Variants in CRLF2 observed in about 807,000 individuals in gnomAD.
CRLF2 encodes the protein cytokine receptor like factor 2.
CRLF2 carries 41 observed loss-of-function variants against 38.7 expected under a neutral mutation model. The observed-to-expected ratio is 1.06, with a 90% confidence interval of 0.83 to 1.37. The LOEUF (loss-of-function observed/expected upper bound fraction) is 1.37, where lower values mean the gene tolerates loss of function less well. CRLF2 is among the 40% of genes most tolerant of loss of function. The pLI, the probability that CRLF2 is intolerant of heterozygous loss-of-function variation, is 0.00. For synonymous variants in CRLF2, 140 were observed against 128.8 expected (o/e 1.09, Z -0.59); for missense variants, 377 against 322.2 (o/e 1.17, Z -1.30).
chrX:1,191,201 C>T (rs1242924386), intron 7 of CRLF2, 41 bp from the exon 8 acceptor site: 2 of 398,542 alleles, frequency 5.0e-6, no homozygotes, highest in Non-Finnish European at 8.8e-6. Flanking sequence ...AGTGGACACA[C>T]CACACACAGC....
chrX:1,190,575 G>T lies in CRLF2; in HGVS notation c.*322C>A, dbSNP rs1158247355. The stretch of plus-strand genomic sequence containing the variant: ...GAACTGGGGACTCACAGAGTGGGAA[G>T]ATGGTTTTACAGCATTTTGGACGTG... On this transcript the variant is annotated 3_prime_UTR_variant, in exon 8 of 8. Coordinates refer to ENST00000400841, the MANE Select transcript of CRLF2 (RefSeq NM_022148.4). 1.2e-5 allele frequency: 4 copies of T among 335,730 alleles called. No individual in the cohort carries two copies. The highest frequency in any genetic ancestry group is 8.4e-5 in the African/African-American group (4 of 47,728). The allele number at this position is 335,730 out of a possible 1,614,324, so 20.8% of individuals were successfully genotyped here.
intron 3 of CRLF2, 73 bp from the exon 4 acceptor site, chrX:1,202,608 T>G: frequency 6.4e-7 from 1 of 1,572,872 alleles, no homozygotes; most frequent in Non-Finnish European, 8.7e-7. Context: ...CTCATCCCCT[T>G]TCTCTAGCCT....
intron 7 of CRLF2, among the ~76,000 whole-genome samples, chrX:1,192,439 A>T (rs1352735692): frequency 6.6e-6 from 1 of 150,626 alleles, no homozygotes; most frequent in Non-Finnish European, 1.5e-5. Context: ...ATGGTGAAAA[A>T]ACCCATCTGT....
At chrX:1,197,646 C>T (rs1603395335) in intron 5 of CRLF2, among the ~76,000 whole-genome samples, 1 of 151,490 alleles carries the variant, frequency 6.6e-6, no homozygotes, top group African/African-American at 2.4e-5. Flanking sequence ...AAACGCCATC[C>T]CTACTAAAAA....
At chrX:1,206,942 CT>C (rs766628411) in intron 2 of CRLF2, among the ~76,000 whole-genome samples, 2,435 of 115,640 alleles carry the variant, frequency 0.021, 20 homozygotes, top group South Asian at 0.039. Flanking sequence ...ACCACACCGG[CT>C]TTTTTTTTTT....
rs2086489254 is a variant in CRLF2 at position 1,196,908 on chromosome X, A to G, written c.647-8T>C. ...GTGTCTCTGCACAGGCATCTGAAAC[A>G]AAATGAAAAGGCGGCTGTCAGTTTT... is the stretch of plus-strand genomic sequence containing the variant. On this transcript the variant is annotated splice_polypyrimidine_tract_variant and splice_region_variant and intron_variant, in intron 5 of 7. Coordinates refer to ENST00000400841, the MANE Select transcript of CRLF2 (RefSeq NM_022148.4). 1 of 1,611,470 alleles carries G rather than the reference A, an allele frequency of 6.2e-7. No homozygotes were observed. The highest frequency in any genetic ancestry group is 1.1e-5 in the South Asian group (1 of 90,842).
chrX:1,192,506 C>T (rs2147819021), intron 7 of CRLF2, among the ~76,000 whole-genome samples: 1 of 152,066 alleles, frequency 6.6e-6, no homozygotes, highest in Admixed American at 6.6e-5. Context: ...ATCCCAGCTA[C>T]TCAGGAGGCT....
intron 2 of CRLF2, among the ~76,000 whole-genome samples, chrX:1,207,710 T>A (rs1394249734): frequency 1.3e-5 from 2 of 151,428 alleles, no homozygotes; most frequent in East Asian, 3.9e-4. Context: ...CAGGCTGGAG[T>A]GCAATCTCGG....
intron 6 of CRLF2, among the ~76,000 whole-genome samples, chrX:1,195,902 T>C (rs1288161844): frequency 7.1e-6 from 1 of 140,716 alleles, no homozygotes; most frequent in Admixed American, 7.7e-5. Context: ...AAATTAAATA[T>C]GTATTTATAT....
intron 1 of CRLF2, among the ~76,000 whole-genome samples, chrX:1,210,741 T>A (rs1444841424): frequency 6.6e-6 from 1 of 152,138 alleles, no homozygotes; most frequent in Non-Finnish European, 1.5e-5. Context: ...ATGGTAATGT[T>A]AGATAGATAG....
At chrX:1,204,396 T>C (rs2086658454) in intron 3 of CRLF2, among the ~76,000 whole-genome samples, 1 of 151,100 alleles carries the variant, frequency 6.6e-6, no homozygotes, top group South Asian at 2.1e-4. Context: ...GCCCGGCTAA[T>C]TATGTATTTT....
chrX:1,191,284 T>C (rs2086368122), intron 7 of CRLF2, 124 bp from the exon 8 acceptor site: 2 of 398,238 alleles, frequency 5.0e-6, no homozygotes. Context: ...TCTCTCTCTT[T>C]CTTTTCTTTT....
intron 3 of CRLF2, among the ~76,000 whole-genome samples, chrX:1,204,493 A>G (rs1242894576): frequency 6.6e-6 from 1 of 151,768 alleles, no homozygotes; most frequent in Non-Finnish European, 1.5e-5. Flanking sequence ...CTCCCAAAGT[A>G]CTGGGATTAC....
chrX:1,198,214 TCGAAGGCAGGACACCC>T lies in CRLF2; in HGVS notation c.646+332_646+347del, dbSNP rs2086529428. ...AAGGCAGGACACCCTCCCTCCCACC[TCGAAGGCAGGACACCC>T]TCCCTCCCACCTCCCAGGAAGGCAG... On this transcript the variant is annotated intron_variant, in intron 5 of 7. Coordinates refer to ENST00000400841, the MANE Select transcript of CRLF2 (RefSeq NM_022148.4). Among the ~76,000 whole-genome samples the T allele has an allele frequency of 5.6e-4, 43 of 76,302 alleles. 1 individual carries two copies. Among genetic ancestry groups the T allele is most frequent in the African/African-American group, 1.3e-3 (21 of 15,886 alleles). 50.1% of individuals were successfully genotyped at this position (76,302 alleles called of 152,430 possible).
In CRLF2 at chrX:1,205,197, C is replaced by G. The variant is rs544086705; in HGVS notation, c.349+1236G>C. ...TCCCCACTGGGGGCAGATTCAATCCCCAACCAGTGTGCGTGTAAGAGGGAA... is the reference window on the plus strand; with the variant it reads ...TCCCCACTGGGGGCAGATTCAATCCGCAACCAGTGTGCGTGTAAGAGGGAA... On this transcript the variant is annotated intron_variant, in intron 3 of 7. Coordinates refer to ENST00000400841, the MANE Select transcript of CRLF2 (RefSeq NM_022148.4). 1.1e-4 allele frequency among the ~76,000 whole-genome samples: 16 copies of G among 152,326 alleles called. 2 individuals carry two copies. The highest frequency in any genetic ancestry group is 3.4e-3 in the Middle Eastern group (1 of 294).
At chrX:1,192,286 C>T (rs1482358110) in intron 7 of CRLF2, among the ~76,000 whole-genome samples, 2 of 151,636 alleles carry the variant, frequency 1.3e-5, no homozygotes, top group African/African-American at 2.4e-5. Flanking sequence ...ATACCCTCTT[C>T]CCTTTGAAAT....
At chrX:1,191,422 C>T (rs1306379107) in intron 7 of CRLF2, among the ~76,000 whole-genome samples, 1 of 150,340 alleles carries the variant, frequency 6.7e-6, no homozygotes, top group Non-Finnish European at 1.5e-5. Flanking sequence ...GAAACAACAC[C>T]ATTCCCAATG....
At chrX:1,195,721 G>C (rs1472475103) in intron 6 of CRLF2, among the ~76,000 whole-genome samples, 59,378 of 143,640 alleles carry the variant, frequency 0.41, 12,654 homozygotes, top group East Asian at 0.65. Flanking sequence ...GGGACTACAG[G>C]TGCTAATTTT....
chrX:1,204,739 C>T (rs1369882185), intron 3 of CRLF2, among the ~76,000 whole-genome samples: 1 of 151,554 alleles, frequency 6.6e-6, no homozygotes, highest in Non-Finnish European at 1.5e-5. Context: ...GTTGGCAAGG[C>T]TGGTCTCGAA....
Sources: gnomAD v4.1 joint callset for allele counts (sites outside exome capture counted in the v4.1 genomes callset) on GRCh38, gnomAD v4.1.1 for gene constraint, MANE v1.5 for transcripts, NCBI Gene and HGNC (gene_info 2026-07-23, HGNC 2026-07-21) for gene names.